Variants in ARHGEF4 observed in about 807,000 individuals in gnomAD.
ARHGEF4 encodes the protein APC-stimulated guanine nucleotide exchange factor 1.
Under a neutral mutation model 162.0 loss-of-function variants are expected in ARHGEF4, and 119 were observed. The ratio of observed to expected loss-of-function variants is 0.73; its 90% CI spans 0.63 to 0.86. The LOEUF (loss-of-function observed/expected upper bound fraction) is 0.86, where lower values mean the gene tolerates loss of function less well. Among genes scored for constraint, ARHGEF4 ranks in the 40% least tolerant of loss-of-function variants. The pLI is 0.00. For synonymous variants in ARHGEF4, 1,014 were observed against 979.9 expected, an observed-to-expected ratio of 1.03 and a Z score of -0.65; for missense variants, 2,488 against 2,456.0, an observed-to-expected ratio of 1.01 and a Z score of -0.28.
At chr2:131,039,510 C>T (rs1173353474) in intron 6 of ARHGEF4, 5 of 1,026,868 alleles carry the variant, frequency 4.9e-6, no homozygotes, top group Non-Finnish European at 5.8e-6. Flanking sequence ...CAGGTGCAGT[C>T]TCCAAAAGGC....
rs1328067493 is a variant in ARHGEF4 at position 130,917,145 on chromosome 2, G to A, written c.3199G>A (p.Ala1067Thr). 5.2e-6 allele frequency: 8 copies of A among 1,550,464 alleles called. No individual in the cohort carries two copies. Among genetic ancestry groups the A allele is most frequent in the Non-Finnish European group, 7.0e-6 (8 of 1,146,962 alleles). Residue 1067 changes from alanine to threonine, a missense_variant, in exon 2 of 14, where the codon GCA (alanine) becomes ACA (threonine). Transcript: ENST00000409359. ...GSPRAQQAGI[A>T]HTLPSSSACC... is the part of the protein sequence containing the mutation. Reference sequence around the variant, plus strand: ...CCCTCGGGCCCAGCAGGCTGGAATCGCACACACCCTGCCTTCCAGCTCTGC... The same window carrying A: ...CCCTCGGGCCCAGCAGGCTGGAATCACACACACCCTGCCTTCCAGCTCTGC...
intron 4 of ARHGEF4, among the ~76,000 whole-genome samples, chr2:131,025,961 T>C (rs181332091): frequency 5.3e-5 from 8 of 152,354 alleles, no homozygotes; most frequent in Admixed American, 3.9e-4. Context: ...GCAACCTTAA[T>C]TCCTCTTTAA....
intron 10 of ARHGEF4, among the ~76,000 whole-genome samples, chr2:131,043,119 CATT>C (rs909688251): frequency 7.0e-6 from 1 of 143,338 alleles, no homozygotes; most frequent in Non-Finnish European, 1.5e-5. Context: ...GATCAACTAT[CATT>C]AATGAAATAT....
At chr2:130,838,588 A>G (rs530343649) in intron 1 of ARHGEF4, among the ~76,000 whole-genome samples, 1 of 152,232 alleles carries the variant, frequency 6.6e-6, no homozygotes, top group East Asian at 1.9e-4. Context: ...CATGGGTGAT[A>G]GAGCGAGACT....
At chr2:130,952,868 A>G (rs541680546) in intron 4 of ARHGEF4, among the ~76,000 whole-genome samples, 1 of 152,312 alleles carries the variant, frequency 6.6e-6, no homozygotes, top group African/African-American at 2.4e-5. Flanking sequence ...GGACCTCTTC[A>G]AGGAGAACTA....
chr2:130,954,421 G>A (rs972698755), intron 4 of ARHGEF4, among the ~76,000 whole-genome samples: 1 of 152,252 alleles, frequency 6.6e-6, no homozygotes, highest in African/African-American at 2.4e-5. Context: ...CAGGGGGAGG[G>A]ATAGCATTAG....
At chr2:130,908,612 G>A (rs1237304598) in intron 1 of ARHGEF4, among the ~76,000 whole-genome samples, 7 of 152,262 alleles carry the variant, frequency 4.6e-5, no homozygotes, top group South Asian at 4.1e-4. Flanking sequence ...GGAGGTGGAC[G>A]TTGGAGTGAG....
intron 4 of ARHGEF4, among the ~76,000 whole-genome samples, chr2:130,951,360 G>T (rs1471535495): frequency 6.6e-6 from 1 of 152,196 alleles, no homozygotes; most frequent in African/African-American, 2.4e-5. Context: ...TAAAGTTAGA[G>T]ATATGTGACT....
intron 1 of ARHGEF4, among the ~76,000 whole-genome samples, chr2:130,879,537 C>T (rs913806467): frequency 2.2e-4 from 34 of 152,084 alleles, no homozygotes; most frequent in Non-Finnish European, 1.6e-4. Flanking sequence ...ATCTCTTGAA[C>T]TTATTCCTCC....
intron 1 of ARHGEF4, among the ~76,000 whole-genome samples, chr2:130,845,924 C>T (rs568449618): frequency 9.1e-4 from 138 of 152,312 alleles, no homozygotes; most frequent in African/African-American, 3.1e-3. Flanking sequence ...GACAGGTGAG[C>T]GTGGGCGGAA....
intron 1 of ARHGEF4, among the ~76,000 whole-genome samples, chr2:130,848,844 G>A (rs1354661422): frequency 6.6e-6 from 1 of 152,204 alleles, no homozygotes; most frequent in Admixed American, 6.5e-5. Context: ...GTGAGGCTCA[G>A]GGGTGATGGG....
intron 4 of ARHGEF4, among the ~76,000 whole-genome samples, chr2:130,969,389 A>G (rs553096379): frequency 1.3e-5 from 2 of 152,224 alleles, no homozygotes; most frequent in African/African-American, 4.8e-5. Flanking sequence ...CAAGATCAGG[A>G]GAGCGAGACC....
At chr2:130,947,859 G>A (rs1475466534) in intron 4 of ARHGEF4, among the ~76,000 whole-genome samples, 1 of 152,198 alleles carries the variant, frequency 6.6e-6, no homozygotes, top group African/African-American at 2.4e-5. Flanking sequence ...GGTGCAGATT[G>A]TGTTAGGTGG....
chr2:130,966,730 T>C (rs1480027081), intron 4 of ARHGEF4, among the ~76,000 whole-genome samples: 1 of 152,206 alleles, frequency 6.6e-6, no homozygotes, highest in African/African-American at 2.4e-5. Flanking sequence ...TGTTACTGTT[T>C]TCATTCAACA....
chr2:130,838,476 G>C (rs543832621), intron 1 of ARHGEF4, among the ~76,000 whole-genome samples: 1 of 152,176 alleles, frequency 6.6e-6, no homozygotes, highest in Non-Finnish European at 1.5e-5. Context: ...CGCGGTAGTG[G>C]GCGCCTGTAA....
intron 1 of ARHGEF4, among the ~76,000 whole-genome samples, chr2:130,868,081 A>G (rs1251975457): frequency 3.3e-5 from 5 of 150,256 alleles, no homozygotes; most frequent in African/African-American, 9.8e-5. Flanking sequence ...GCCCGCCACC[A>G]CGCCTGGCTA....
chr2:130,937,919 G>A (rs992908450), intron 3 of ARHGEF4, among the ~76,000 whole-genome samples: 12 of 152,110 alleles, frequency 7.9e-5, no homozygotes, highest in East Asian at 1.9e-4. Context: ...TGGCCGCCTC[G>A]GCCTCCCAAA....
rs1013555564 is a variant in ARHGEF4 at position 130,886,755 on chromosome 2, G to GA, written c.40-27223dup. Among the ~76,000 whole-genome samples the GA allele has an allele frequency of 4.6e-5, 7 of 151,470 alleles. No homozygotes were observed. The South Asian group carries it at 6.3e-4, about 14-fold the overall frequency. On this transcript the variant is annotated intron_variant, in intron 1 of 13. Coordinates refer to ENST00000409359, the MANE Select transcript of ARHGEF4 (RefSeq NM_001367493.1). ...ATTTGCTAACGAAGTTTCCTTTGGG[G>GA]AAAAAAAATTAGTAATAATTCAATT...
chr2:131,042,032 C>T (rs2105413612), intron 10 of ARHGEF4, 88 bp downstream of exon 10: 5 of 1,501,016 alleles, frequency 3.3e-6, no homozygotes, highest in Middle Eastern at 1.9e-4. Flanking sequence ...TAGAAGGGAG[C>T]TGAAGCAGGG....
Sources: allele counts gnomAD v4.1 joint callset (sites outside exome capture counted in the v4.1 genomes callset), GRCh38; gene constraint gnomAD v4.1.1; transcripts MANE v1.5; gene names NCBI Gene and HGNC (gene_info 2026-07-23, HGNC 2026-07-21).